The following DNAH14 variants were observed in gnomAD, a reference collection of about 807,000 sequenced individuals.
DNAH14 encodes dynein axonemal heavy chain 14, also known as axonemal beta dynein heavy chain 14.
A neutral mutation model predicts 520.9 loss-of-function variants in DNAH14; 478 were observed. The observed-to-expected ratio is 0.92, with a 90% CI of 0.85 to 0.99. DNAH14 has a LOEUF of 0.99. DNAH14 is among the 50% of genes least tolerant of loss of function. The pLI is 0.00. For missense variants in DNAH14, 4,831 were observed against 5,234.5 expected, an observed-to-expected ratio of 0.92 and a Z score of 2.38; for synonymous variants, 1,581 against 1,757.2, an observed-to-expected ratio of 0.90 and a Z score of 2.51.
intron 63 of DNAH14, 88 bp from the exon 64 acceptor site, chr1:225,324,649 C>A: frequency 2.5e-6 from 3 of 1,199,738 alleles, no homozygotes; most frequent in Non-Finnish European, 3.5e-6. Flanking sequence ...TAACAATTGA[C>A]TCTGTAAATG....
intron 11 of DNAH14, chr1:225,024,687 A>G (rs1252962346): frequency 6.6e-6 from 1 of 152,188 alleles, no homozygotes; most frequent in African/African-American, 2.4e-5. Context: ...CTAAGGACTT[A>G]TAACTGGTTT....
chr1:225,042,954 C>G lies in DNAH14; in HGVS notation c.1608C>G (p.Asn536Lys), dbSNP rs925430759. Residue 536 changes from asparagine to lysine, a missense_variant, in exon 13 of 86, where the codon AAC becomes AAG. By Grantham distance (94) the Asn-to-Lys change is moderately conservative. Coordinates refer to ENST00000682510, the MANE Select transcript of DNAH14 (RefSeq NM_001367479.1). ...ESDSSENSKE[N>K]FHESDQCPEE... ...ATTCTTCAGAAAATTCTAAAGAGAA[C>G]TTTCATGAGTCTGACCAGTGCCCTG... 1 of 1,551,718 alleles carries G rather than the reference C, an allele frequency of 6.4e-7. No individual in the cohort carries two copies. The highest frequency in any genetic ancestry group is 2.4e-5 in the East Asian group (1 of 40,904).
rs1199918819 is a variant in DNAH14, at chr1:225,140,757, T to G, written c.4255-11T>G. 2 of 1,484,090 alleles carry G rather than the reference T, an allele frequency of 1.3e-6. No individual in the cohort carries two copies. The highest frequency in any genetic ancestry group is 1.8e-6 in the Non-Finnish European group (2 of 1,088,512). 91.9% of individuals were successfully genotyped at this position (1,484,090 alleles called of 1,614,324 possible). ...GAGAGATATATATATAACATTATCT[T>G]ACTTTTTCAGAGCCAGATCATGTTT... On this transcript the variant is annotated splice_polypyrimidine_tract_variant and intron_variant, in intron 27 of 85. Coordinates refer to ENST00000682510, the MANE Select transcript of DNAH14 (RefSeq NM_001367479.1).
At chr1:225,180,774 A>G (rs1573782089) in intron 36 of DNAH14, among the ~76,000 whole-genome samples, 1 of 152,210 alleles carries the variant, frequency 6.6e-6, no homozygotes, top group Non-Finnish European at 1.5e-5. Flanking sequence ...CTTTGAGCTC[A>G]CTGGTTGTTC....
chr1:225,156,154 C>CT (rs917031296), intron 34 of DNAH14, among the ~76,000 whole-genome samples: 3 of 151,886 alleles, frequency 2.0e-5, no homozygotes, highest in African/African-American at 7.3e-5. Context: ...TCATCCCTCC[C>CT]TTTTTTTTCT....
chr1:225,370,790 A>T (rs2095609907), intron 77 of DNAH14, among the ~76,000 whole-genome samples: 1 of 152,132 alleles, frequency 6.6e-6, no homozygotes, highest in Non-Finnish European at 1.5e-5. Context: ...AAAAAACCGT[A>T]AAAGGAAAAA....
chr1:225,142,749 G>A (rs1385443708), intron 28 of DNAH14, among the ~76,000 whole-genome samples: 1 of 152,096 alleles, frequency 6.6e-6, no homozygotes, highest in Non-Finnish European at 1.5e-5. Context: ...CCAACATGGT[G>A]AAAACCCATC....
In DNAH14 at chr1:225,119,243, T is replaced by C; in HGVS notation, c.4115T>C (p.Val1372Ala). The C allele has an allele frequency of 6.5e-7, 1 of 1,527,348 alleles. No homozygotes were observed. The highest frequency in any genetic ancestry group is 8.8e-7 in the Non-Finnish European group (1 of 1,136,018). 94.6% of individuals were successfully genotyped at this position (1,527,348 alleles called of 1,614,324 possible). ...LPKKIRVRSA[V>A]EQWLVNVEKS... ...AGGAAAATTCGTGTAAGAAGTGCTGTAGAACAGTGGCTGGTAAATGTAGAA... is the reference window on the plus strand; with the variant it reads ...AGGAAAATTCGTGTAAGAAGTGCTGCAGAACAGTGGCTGGTAAATGTAGAA... The change falls in exon 26 of 86, where the codon GTA becomes GCA. Residue 1372 changes from valine to alanine, a missense_variant. By Grantham distance (64) the Val-to-Ala change is moderately conservative. Coordinates refer to ENST00000682510, the MANE Select transcript of DNAH14 (RefSeq NM_001367479.1).
chr1:225,381,436 A>C lies in DNAH14; in HGVS notation c.12934A>C (p.Lys4312Gln). 2.6e-6 allele frequency: 4 copies of C among 1,550,590 alleles called. No individual in the cohort carries two copies. The highest frequency in any genetic ancestry group is 3.5e-6 in the Non-Finnish European group (4 of 1,146,832). The change falls in exon 81 of 86, where the codon AAA becomes CAA. Residue 4312 changes from lysine to glutamine, a missense_variant. Physicochemically the swap from Lys to Gln is moderately conservative, Grantham distance 53. Transcript: ENST00000682510. ...GCTAACCTTTTTGAAGCAAGAAATT[A>C]AACGATTTGATAAGTTATTATTTGT... ...VLLTFLKQEI[K>Q]RFDKLLFVIH...
chr1:225,087,597 A>G (rs1162260919), intron 21 of DNAH14, among the ~76,000 whole-genome samples: 1 of 152,242 alleles, frequency 6.6e-6, no homozygotes, highest in Non-Finnish European at 1.5e-5. Context: ...GATTCTACCA[A>G]CTTATTTCCT....
intron 34 of DNAH14, among the ~76,000 whole-genome samples, chr1:225,158,131 T>G (rs572736485): frequency 3.4e-4 from 52 of 152,216 alleles, no homozygotes; most frequent in Non-Finnish European, 6.6e-4. Flanking sequence ...TATGGTATCA[T>G]AGCATGTGTA....
At position 225,346,011 on chromosome 1, in the gene DNAH14, A is replaced by G. The variant is rs2095280799; in HGVS notation, c.10728A>G (p.Lys3576=). 1.3e-6 allele frequency: 2 copies of G among 1,551,512 alleles called. No individual in the cohort carries two copies. The highest frequency in any genetic ancestry group is 1.7e-6 in the Non-Finnish European group (2 of 1,146,940). The change falls in exon 70 of 86, where the codon AAA becomes AAG. Residue 3576 remains lysine, a synonymous_variant. Coordinates refer to ENST00000682510, the MANE Select transcript of DNAH14 (RefSeq NM_001367479.1). ...DKIVDTLRKS[K]MTSNEISKRI... is the part of the protein sequence containing the mutation. The stretch of plus-strand genomic sequence containing the variant: ...TTGTAGATACCTTAAGAAAATCCAA[A>G]ATGACATCAAACGAAATTTCAAAGC...
intron 66 of DNAH14, among the ~76,000 whole-genome samples, chr1:225,335,875 A>ATG (rs530281995): frequency 0.17 from 4,705 of 28,002 alleles, 645 homozygotes; most frequent in African/African-American, 0.39. Context: ...ACATACACAT[A>ATG]TACATATATG....
intron 18 of DNAH14, 49 bp downstream of exon 18, chr1:225,079,597 C>G: frequency 2.2e-6 from 3 of 1,390,644 alleles, no homozygotes; most frequent in Non-Finnish European, 2.9e-6. Flanking sequence ...AAAACTTGAT[C>G]TTAGTCTCGT....
chr1:225,333,111 T>A (rs1399126367), intron 65 of DNAH14, among the ~76,000 whole-genome samples, 180 bp from the exon 66 acceptor site: 1 of 152,244 alleles, frequency 6.6e-6, no homozygotes, highest in African/African-American at 2.4e-5. Flanking sequence ...ATAAGACTAA[T>A]TTTCCCCTCA....
intron 23 of DNAH14, among the ~76,000 whole-genome samples, chr1:225,107,849 A>G (rs892395163): frequency 1.3e-4 from 20 of 152,278 alleles, no homozygotes; most frequent in African/African-American, 4.8e-4. Context: ...CTGAAGTGAG[A>G]TGATATCTCA....
intron 61 of DNAH14, among the ~76,000 whole-genome samples, chr1:225,320,259 G>A (rs747380552): frequency 9.9e-5 from 15 of 152,178 alleles, no homozygotes; most frequent in Non-Finnish European, 2.1e-4. Flanking sequence ...GATTGCAGAT[G>A]TTGAAAGGAC....
At chr1:225,081,776 G>C (rs1469018927) in intron 19 of DNAH14, among the ~76,000 whole-genome samples, 1 of 152,118 alleles carries the variant, frequency 6.6e-6, no homozygotes, top group African/African-American at 2.4e-5. Flanking sequence ...TAAAAAGGTT[G>C]TAAGAGTTGA....
At chr1:225,029,841 A>C (rs929481394) in intron 11 of DNAH14, among the ~76,000 whole-genome samples, 11 of 151,978 alleles carry the variant, frequency 7.2e-5, no homozygotes, top group Admixed American at 7.2e-4. Context: ...ATAAGACATA[A>C]TGTGATTGGT....
Sources: allele counts gnomAD v4.1 joint callset (sites outside exome capture counted in the v4.1 genomes callset), GRCh38; gene constraint gnomAD v4.1.1; transcripts MANE v1.5; gene names NCBI Gene and HGNC (gene_info 2026-07-23, HGNC 2026-07-21).